The following NKAIN3 variants were observed in gnomAD, a reference collection of about 807,000 sequenced individuals.
NKAIN3 encodes sodium/potassium-transporting ATPase subunit beta-1-interacting protein 3.
A neutral mutation model predicts 30.2 loss-of-function variants in NKAIN3; 25 were observed. The observed-to-expected ratio is 0.83, with a 90% CI of 0.60 to 1.16. The LOEUF (loss-of-function observed/expected upper bound fraction) is 1.16, where lower values mean the gene tolerates loss of function less well. Ranked by LOEUF, NKAIN3 falls within the 50% of genes most tolerant of loss-of-function variation. The probability of loss-of-function intolerance (pLI) is 0.00; values close to 1 mark genes in which losing one functional copy is unlikely to be tolerated. For missense variants in NKAIN3, 225 were observed against 254.1 expected, an observed-to-expected ratio of 0.89 and a Z score of 0.78; for synonymous variants, 91 against 89.6, an observed-to-expected ratio of 1.02 and a Z score of -0.09.
intron 1 of NKAIN3, among the ~76,000 whole-genome samples, chr8:62,348,722 T>A (rs151021775): frequency 1.3e-5 from 2 of 152,348 alleles, no homozygotes; most frequent in African/African-American, 2.4e-5. Flanking sequence ...TCACCTGAGA[T>A]GAGTGAAAAC....
At chr8:62,768,169 A>G (rs1816902582) in intron 4 of NKAIN3, among the ~76,000 whole-genome samples, 2 of 152,170 alleles carry the variant, frequency 1.3e-5, no homozygotes, top group African/African-American at 4.8e-5. Flanking sequence ...CTCTACATTC[A>G]AAATCCATCA....
intron 4 of NKAIN3, among the ~76,000 whole-genome samples, chr8:62,844,099 G>T (rs1015856624): frequency 6.6e-6 from 1 of 152,152 alleles, no homozygotes; most frequent in Non-Finnish European, 1.5e-5. Flanking sequence ...AGTAACAGTA[G>T]TTGCCAATGC....
intron 1 of NKAIN3, among the ~76,000 whole-genome samples, chr8:62,502,018 T>A (rs183403703): frequency 6.6e-6 from 1 of 152,318 alleles, no homozygotes; most frequent in Non-Finnish European, 1.5e-5. Flanking sequence ...GCCAGAGAGC[T>A]GCCCACCATG....
chr8:62,800,942 A>T (rs1818038068), intron 4 of NKAIN3, among the ~76,000 whole-genome samples: 1 of 152,226 alleles, frequency 6.6e-6, no homozygotes. Flanking sequence ...CGGGCTTAAA[A>T]AACGGTGCAC....
intron 2 of NKAIN3, among the ~76,000 whole-genome samples, chr8:62,584,850 C>T (rs1810420709): frequency 6.6e-6 from 1 of 152,218 alleles, no homozygotes; most frequent in African/African-American, 2.4e-5. Flanking sequence ...GTCATCATTG[C>T]TTCGCTACCT....
At chr8:62,640,737 C>A (rs954967263) in intron 3 of NKAIN3, among the ~76,000 whole-genome samples, 7 of 152,060 alleles carry the variant, frequency 4.6e-5, no homozygotes, top group African/African-American at 1.7e-4. Flanking sequence ...CTAAAGGTAT[C>A]CGTGGGATTC....
At chr8:62,388,893 T>C (rs1304906606) in intron 1 of NKAIN3, among the ~76,000 whole-genome samples, 1 of 152,156 alleles carries the variant, frequency 6.6e-6, no homozygotes, top group Non-Finnish European at 1.5e-5. Context: ...TGTGGTTAAA[T>C]AAGCAATTGG....
chr8:62,999,335 C>T (rs371601410), exon 6 of NKAIN3: 1 of 152,168 alleles, frequency 6.6e-6, no homozygotes, highest in African/African-American at 2.4e-5. Context: ...CATCACATAG[C>T]AAGAGTGGAA....
chr8:62,890,347 G>A (rs1306974726), intron 4 of NKAIN3, among the ~76,000 whole-genome samples: 1 of 152,100 alleles, frequency 6.6e-6, no homozygotes, highest in Non-Finnish European at 1.5e-5. Context: ...TTGTCCTTTT[G>A]TTAGCTAATT....
At chr8:62,864,138 G>A in intron 4 of NKAIN3, 2 of 620,202 alleles carry the variant, frequency 3.2e-6, no homozygotes, top group South Asian at 1.9e-5. Flanking sequence ...CGACGCGAGC[G>A]CGGAAACCAG....
intron 4 of NKAIN3, among the ~76,000 whole-genome samples, chr8:62,877,093 A>G (rs1016573895): frequency 3.9e-5 from 6 of 152,058 alleles, no homozygotes; most frequent in African/African-American, 1.4e-4. Context: ...TCCTTTATTC[A>G]TTGTTGTAGT....
In NKAIN3 at chr8:62,480,042, C is replaced by A. The variant is rs544709708; in HGVS notation, c.55-99497C>A. On this transcript the variant is annotated intron_variant, in intron 1 of 6. Transcript: ENST00000623646. ...TGTTTTTATATAGCATCTCTTTTCT[C>A]AAAAATTTAAATTGGAATTCAGTCA... Among the ~76,000 whole-genome samples, 383 of 152,190 alleles carry A rather than the reference C, an allele frequency of 2.5e-3. 1 individual carries two copies. Among genetic ancestry groups the A allele is most frequent in the African/African-American group, 8.8e-3 (367 of 41,514 alleles).
chr8:62,738,590 T>C (rs2352401), intron 3 of NKAIN3, among the ~76,000 whole-genome samples: 127,648 of 144,606 alleles, frequency 0.88, 56,500 homozygotes, highest in African/African-American at 0.91. Context: ...CAGAGCAAGA[T>C]ACTCCATCTC....
chr8:62,635,379 C>G (rs1041455293), intron 3 of NKAIN3, among the ~76,000 whole-genome samples: 3 of 152,116 alleles, frequency 2.0e-5, no homozygotes, highest in African/African-American at 7.2e-5. Context: ...TTTGAGGTAA[C>G]AATTGCAAAG....
At chr8:62,649,786 C>T (rs961460129) in intron 3 of NKAIN3, among the ~76,000 whole-genome samples, 35 of 152,108 alleles carry the variant, frequency 2.3e-4, no homozygotes, top group African/African-American at 8.0e-4. Context: ...TCAGAGCCAC[C>T]CTCTTCTGGG....
At chr8:62,624,742 G>T (rs1048926922) in intron 3 of NKAIN3, among the ~76,000 whole-genome samples, 10 of 148,110 alleles carry the variant, frequency 6.8e-5, no homozygotes, top group African/African-American at 2.2e-4. Context: ...TTATGCAAAT[G>T]TTATGGCATT....
chr8:62,359,971 G>C (rs1279791966), intron 1 of NKAIN3, among the ~76,000 whole-genome samples: 1 of 152,170 alleles, frequency 6.6e-6, no homozygotes, highest in East Asian at 1.9e-4. Flanking sequence ...AAGCTCATCA[G>C]CGTCCAGCAA....
intron 6 of NKAIN3, among the ~76,000 whole-genome samples, chr8:62,955,022 G>A (rs79103675): frequency 4.6e-5 from 7 of 152,078 alleles, no homozygotes; most frequent in Non-Finnish European, 7.4e-5. Flanking sequence ...CATATGAAAA[G>A]TTTCACCTGC....
chr8:62,358,168 C>T (rs1266585629), intron 1 of NKAIN3, among the ~76,000 whole-genome samples: 1 of 149,770 alleles, frequency 6.7e-6, no homozygotes, highest in Admixed American at 6.6e-5. Flanking sequence ...TGAATTATGT[C>T]ACTGATAGTT....
Sources: allele counts gnomAD v4.1 joint callset (sites outside exome capture counted in the v4.1 genomes callset), GRCh38; gene constraint gnomAD v4.1.1; transcripts MANE v1.5; gene names NCBI Gene and HGNC (gene_info 2026-07-23, HGNC 2026-07-21).